CELSR1: variants seen among roughly 807,000 people sequenced by gnomAD.
The protein encoded by CELSR1 is cadherin EGF LAG seven-pass G-type receptor 1, also known as adhesion G protein-coupled receptor C1.
In CELSR1, 110 loss-of-function variants were observed where a neutral mutation model predicts 249.1. The ratio of observed to expected loss-of-function variants is 0.44; its 90% CI spans 0.38 to 0.52. The LOEUF is 0.52. Ranked by LOEUF, CELSR1 falls within the 20% of genes least tolerant of loss-of-function variation. CELSR1 has a pLI of 0.00. For synonymous variants in CELSR1, 2,113 were observed against 1,900.0 expected, an observed-to-expected ratio of 1.11 and a Z score of -2.92; for missense variants, 4,109 against 4,296.4, an observed-to-expected ratio of 0.96 and a Z score of 1.22.
In CELSR1 at chr22:46,380,720, C is replaced by T. The variant is rs2078968379; in HGVS notation, c.7256+68G>A. On this transcript the variant is annotated intron_variant, in intron 22 of 34. Coordinates refer to ENST00000674500, the MANE Select transcript of CELSR1 (RefSeq NM_001378328.1). The surrounding 1 kb of genome is among the most constrained non-coding windows in gnomAD (Gnocchi z 5.1). ...CCTCTTGGGGCGCTCTGCCACTGAG[C>T]CCCCGACCCTGCGGGGGCACTCTGC... The T allele has an allele frequency of 1.9e-6, 3 of 1,562,430 alleles. No individual in the cohort carries two copies. Among genetic ancestry groups the T allele is most frequent in the Middle Eastern group, 1.7e-4 (1 of 5,856 alleles).
rs202015537 is a variant in CELSR1, at chr22:46,534,162, T to A, written c.3009A>T (p.Glu1003Asp). 1.3e-5 allele frequency: 21 copies of A among 1,613,844 alleles called. No homozygotes were observed. Among genetic ancestry groups the A allele is most frequent in the Non-Finnish European group, 1.7e-5 (20 of 1,180,020 alleles). Residue 1003 changes from glutamate to aspartate, a missense_variant, in exon 1 of 35, where the codon GAA (glutamate) becomes GAT (aspartate). Physicochemically the swap from Glu to Asp is conservative, Grantham distance 45 (BLOSUM62 2). This residue lies in a region of CELSR1 where 886 missense variants were observed against 896.5 expected (regional missense o/e 0.99). Transcript: ENST00000674500. This position sits in a 1 kb window ranked among gnomAD's most constrained non-coding sequence, Gnocchi z 9.7. ...TGTTCTCCTCAACAAACAGCTCCAG[T>A]TCGTCCTTCTCAAACATGGGGGCAT... The part of the protein sequence containing the change: ...NDNAPMFEKD[E>D]LELFVEENNP...
intron 1 of CELSR1, among the ~76,000 whole-genome samples, chr22:46,505,722 T>C (rs990997113): frequency 1.3e-5 from 2 of 152,324 alleles, no homozygotes; most frequent in Admixed American, 6.5e-5. Flanking sequence ...TATATGTTTA[T>C]ACCCAAAGAA....
At position 46,380,944 on chromosome 22, in the gene CELSR1, C is replaced by T. The variant is rs199710861; in HGVS notation, c.7100G>A (p.Arg2367Gln). The T allele has an allele frequency of 1.5e-5, 24 of 1,612,762 alleles. No individual in the cohort carries two copies. Among genetic ancestry groups the T allele is most frequent in the African/African-American group, 4.0e-5 (3 of 75,018 alleles). ...CACCATCGGGGTATTAATGATGGGC[C>T]GGTGAGGCAACCTGAGGTCAAGAAG... is the stretch of plus-strand genomic sequence containing the variant. The part of the protein sequence containing the change: ...PDRRSLRLPH[R>Q]PIINTPMVST... The change falls in exon 22 of 35, where the codon CGG becomes CAG. Residue 2367 changes from arginine (R) to glutamine (Q), a missense_variant. This residue lies in a region of CELSR1 where 1,805 missense variants were observed against 1,831.6 expected (regional missense o/e 0.99). Transcript: ENST00000674500. The surrounding 1 kb of genome is among the most constrained non-coding windows in gnomAD (Gnocchi z 5.1).
rs1449667598 is a variant in CELSR1, at chr22:46,441,013, C to T, written c.4184-1602G>A. Among the ~76,000 whole-genome samples, 6 of 151,996 alleles carry T rather than the reference C, an allele frequency of 3.9e-5. No homozygotes were observed. The highest frequency in any genetic ancestry group is 8.8e-5 in the Non-Finnish European group (6 of 68,008). On this transcript the variant is annotated intron_variant, in intron 2 of 34. Coordinates refer to ENST00000674500, the MANE Select transcript of CELSR1 (RefSeq NM_001378328.1). The surrounding 1 kb of genome is among the most constrained non-coding windows in gnomAD (Gnocchi z 6.1). ...ACTAAAAATACAAAAATTAGCCAGG[C>T]GTGGTGGCGGGTGCCTGTAATCCCA...
In CELSR1 at chr22:46,390,609, G is replaced by A; in HGVS notation, c.6251-123C>T. 1 of 763,134 alleles carries A rather than the reference G, an allele frequency of 1.3e-6. No individual in the cohort carries two copies. The highest frequency in any genetic ancestry group is 2.5e-5 in the Admixed American group (1 of 39,558). 47.3% of individuals were successfully genotyped at this position (763,134 alleles called of 1,614,324 possible). A position where few individuals can be genotyped will look rare whatever the true frequency, so the allele number is the denominator to read the frequency against. On this transcript the variant is annotated intron_variant, in intron 16 of 34. Coordinates refer to ENST00000674500, the MANE Select transcript of CELSR1 (RefSeq NM_001378328.1). This position sits in a 1 kb window ranked among gnomAD's most constrained non-coding sequence, Gnocchi z 6.3. Reference sequence around the variant, plus strand: ...CACTGCGTGGTGGTTAGAACCCCATGGGGGCCAGGAGGTCGACACCAGCGC... The same window carrying A: ...CACTGCGTGGTGGTTAGAACCCCATAGGGGCCAGGAGGTCGACACCAGCGC...
At chr22:46,457,157 C>T (rs1430374198) in intron 2 of CELSR1, among the ~76,000 whole-genome samples, 1 of 152,162 alleles carries the variant, frequency 6.6e-6, no homozygotes, top group Non-Finnish European at 1.5e-5. Context: ...ACAGCTTGGC[C>T]AACATGGTAA....
At position 46,380,853 on chromosome 22, in the gene CELSR1, C is replaced by G; in HGVS notation, c.7191G>C (p.Glu2397Asp). 6.2e-7 allele frequency: 1 copy of G among 1,612,584 alleles called. No homozygotes were observed. Among genetic ancestry groups the G allele is most frequent in the African/African-American group, 1.3e-5 (1 of 75,042 alleles). The change falls in exon 22 of 35, where the codon GAG becomes GAC. Residue 2397 changes from glutamate (E) to aspartate (D), a missense_variant. Physicochemically the swap from Glu to Asp is conservative, Grantham distance 45. This residue lies in a region of CELSR1 where 1,805 missense variants were observed against 1,831.6 expected (regional missense o/e 0.99). Coordinates refer to ENST00000674500, the MANE Select transcript of CELSR1 (RefSeq NM_001378328.1). The surrounding 1 kb of genome is among the most constrained non-coding windows in gnomAD (Gnocchi z 5.1). Reference sequence around the variant, plus strand: ...GCTCCTCCACCTCCAGCAGGGCGAACTCCACCAGGACGGGCCTCTCCAGGG... The same window carrying G: ...GCTCCTCCACCTCCAGCAGGGCGAAGTCCACCAGGACGGGCCTCTCCAGGG... ...PRPLERPVLV[E>D]FALLEVEERT... is the part of the protein sequence containing the mutation.
At chr22:46,519,557 C>T (rs1185557366) in intron 1 of CELSR1, among the ~76,000 whole-genome samples, 1 of 152,244 alleles carries the variant, frequency 6.6e-6, no homozygotes, top group African/African-American at 2.4e-5. Flanking sequence ...TAGAACCAGG[C>T]AGAGCCTGGG....
intron 1 of CELSR1, among the ~76,000 whole-genome samples, chr22:46,508,762 C>T (rs936014266): frequency 6.6e-6 from 1 of 152,166 alleles, no homozygotes; most frequent in African/African-American, 2.4e-5. Flanking sequence ...TTATAAATAA[C>T]ACAATCCCCA....
Position 46,430,529 on chromosome 22 carries a change from C to T in CELSR1, c.4611+2864G>A, listed in dbSNP as rs1020232761. 6.6e-6 allele frequency among the ~76,000 whole-genome samples: 1 copy of T among 152,096 alleles called. No individual in the cohort carries two copies. Among genetic ancestry groups the T allele is most frequent in the African/African-American group, 2.4e-5 (1 of 41,406 alleles). ...TCTCAACTGGTCATGGCCCTGGACA[C>T]CCCTCATCGTCCAGCCCCAACGCCT... On this transcript the variant is annotated intron_variant, in intron 5 of 34. Transcript: ENST00000674500. The surrounding 1 kb of genome is among the most constrained non-coding windows in gnomAD (Gnocchi z 4.6).
chr22:46,426,403 G>A (rs921340441), intron 5 of CELSR1, among the ~76,000 whole-genome samples: 1 of 152,122 alleles, frequency 6.6e-6, no homozygotes, highest in Non-Finnish European at 1.5e-5. Flanking sequence ...CCAAAATCAA[G>A]GTGCTGGTAG....
chr22:46,381,030 C>A lies in CELSR1; in HGVS notation c.7089-75G>T, dbSNP rs1054765696. On this transcript the variant is annotated intron_variant, in intron 21 of 34. Transcript: ENST00000674500. The surrounding 1 kb of genome is among the most constrained non-coding windows in gnomAD (Gnocchi z 6.0). ...TGCTTAAATCCCGCGCACAAATGCC[C>A]TGAGGACACGCCATGATGTGTTTCT... 3 of 1,461,844 alleles carry A rather than the reference C, an allele frequency of 2.1e-6. No individual in the cohort carries two copies. Among genetic ancestry groups the A allele is most frequent in the Non-Finnish European group, 9.4e-7 (1 of 1,063,462 alleles). The allele number at this position is 1,461,844 out of a possible 1,614,324, so 90.6% of individuals were successfully genotyped here.
rs768118005 is a variant in CELSR1 at position 46,535,899 on chromosome 22, C to G, written c.1272G>C (p.Gln424His). ...CCTGGTCGTTGGCCTCCACCAGGAG[C>G]TGGTACTCGGCCGCCTCCTCCCGGT... ...VLDREEAAEY[Q>H]LLVEANDQGR... Residue 424 changes from glutamine to histidine, a missense_variant, in exon 1 of 35, where the codon CAG becomes CAC. By Grantham distance (24) the Gln-to-His change is conservative (BLOSUM62 0). Around this residue, in one of 7 missense-constraint regions of CELSR1, gnomAD observed 673 missense variants for 636.8 expected, o/e 1.06. Transcript: ENST00000674500. 6 of 1,608,902 alleles carry G rather than the reference C, an allele frequency of 3.7e-6. No homozygotes were observed. Among genetic ancestry groups the G allele is most frequent in the Non-Finnish European group, 3.4e-6 (4 of 1,179,346 alleles).
At chr22:46,501,020 AT>A in intron 1 of CELSR1, among the ~76,000 whole-genome samples, 1 of 138,180 alleles carries the variant, frequency 7.2e-6, no homozygotes, top group South Asian at 2.1e-4. Flanking sequence ...ATTTTATTTT[AT>A]TTTTTATTTT....
Position 46,531,476 on chromosome 22 carries a change from G to A in CELSR1, c.3544+2151C>T, listed in dbSNP as rs191521122. 4.6e-4 allele frequency among the ~76,000 whole-genome samples: 70 copies of A among 152,330 alleles called. No homozygotes were observed. The East Asian group carries it at 9.6e-3, about 21-fold the overall frequency. ...CTGCCTCGGCCTCCCACAGTGCTGG[G>A]ATTACAGGCATGAGCCACTGCGCCT... is the stretch of plus-strand genomic sequence containing the variant. On this transcript the variant is annotated intron_variant, in intron 1 of 34. Coordinates refer to ENST00000674500, the MANE Select transcript of CELSR1 (RefSeq NM_001378328.1).
chr22:46,414,435 A>T (rs1264775393), intron 5 of CELSR1, among the ~76,000 whole-genome samples: 1 of 152,212 alleles, frequency 6.6e-6, no homozygotes, highest in Non-Finnish European at 1.5e-5. Flanking sequence ...CAGCATCCCG[A>T]TGGCCCATCC....
chr22:46,428,940 G>T lies in CELSR1; in HGVS notation c.4611+4453C>A, dbSNP rs910577648. ...TCAGCTGGCTTTAGAAGATGCCCAG[G>T]TCAGGTGGACACGAGCCACCCTTGC... On this transcript the variant is annotated intron_variant, in intron 5 of 34. Transcript: ENST00000674500. The surrounding 1 kb of genome is among the most constrained non-coding windows in gnomAD (Gnocchi z 5.7). Among the ~76,000 whole-genome samples the T allele has an allele frequency of 2.6e-5, 4 of 152,272 alleles. No individual in the cohort carries two copies. The highest frequency in any genetic ancestry group is 2.6e-4 in the Admixed American group (4 of 15,304).
intron 1 of CELSR1, among the ~76,000 whole-genome samples, chr22:46,514,226 T>A (rs1411628817): frequency 3.9e-5 from 6 of 151,990 alleles, no homozygotes; most frequent in Admixed American, 1.3e-4. Flanking sequence ...CCAGGTAGGC[T>A]CCAACACCAG....
intron 1 of CELSR1, among the ~76,000 whole-genome samples, chr22:46,504,758 G>A (rs73888530): frequency 3.0e-4 from 46 of 152,216 alleles, no homozygotes; most frequent in African/African-American, 1.1e-3. Flanking sequence ...CAAATGTGAG[G>A]TATGCAAATC....
Sources: allele counts gnomAD v4.1 joint callset (sites outside exome capture counted in the v4.1 genomes callset), GRCh38; gene constraint gnomAD v4.1.1; regional missense constraint gnomAD v4.1.1; non-coding constraint Gnocchi (gnomAD v3.1); transcripts MANE v1.5; gene names NCBI Gene and HGNC (gene_info 2026-07-23, HGNC 2026-07-21).